CASR: variants seen among roughly 807,000 people sequenced by gnomAD.
CASR encodes extracellular calcium-sensing receptor.
CASR carries 23 observed loss-of-function variants against 69.1 expected under a neutral mutation model. The ratio of observed to expected loss-of-function variants is 0.33; its 90% CI spans 0.24 to 0.47. CASR has a LOEUF of 0.47. Ranked by LOEUF, CASR falls within the 20% of genes least tolerant of loss-of-function variation. The pLI is 1.00. For synonymous variants in CASR, 541 were observed against 544.7 expected (o/e 0.99, Z 0.10); for missense variants, 924 against 1,356.1 (o/e 0.68, Z 5.00).
rs200375728 is a variant in CASR at position 122,257,166 on chromosome 3, T to C, written c.271T>C (p.Leu91=). The C allele has an allele frequency of 6.2e-7, 1 of 1,614,008 alleles. No homozygotes were observed. Among genetic ancestry groups the C allele is most frequent in the Non-Finnish European group, 8.5e-7 (1 of 1,179,844 alleles). The change falls in exon 3 of 7, where the codon TTG becomes CTG. Residue 91 remains leucine (L), a synonymous_variant. Coordinates refer to ENST00000639785, the MANE Select transcript of CASR (RefSeq NM_000388.4). ...CAGCAGCCCAGCCCTTCTTCCCAAC[T>C]TGACGCTGGGATACAGGATATTTGA... ...INSSPALLPN[L]TLGYRIFDTC... is the part of the protein sequence containing the mutation.
intron 4 of CASR, among the ~76,000 whole-genome samples, chr3:122,265,916 G>A (rs1198507943): frequency 6.6e-6 from 1 of 152,162 alleles, no homozygotes; most frequent in Non-Finnish European, 1.5e-5. Context: ...GGGAATGGGG[G>A]ATAAATTGTG....
chr3:122,196,800 G>T (rs1446629787), intron 1 of CASR, among the ~76,000 whole-genome samples: 1 of 152,044 alleles, frequency 6.6e-6, no homozygotes, highest in Non-Finnish European at 1.5e-5. Flanking sequence ...TGTCCCCTTT[G>T]CTACCCCCAG....
chr3:122,218,507 G>A (rs193291182), intron 1 of CASR, among the ~76,000 whole-genome samples: 77 of 134,946 alleles, frequency 5.7e-4, no homozygotes, highest in Middle Eastern at 4.8e-3. Flanking sequence ...GCACTCCAGC[G>A]ACAGAGTTCT....
chr3:122,194,567 A>G (rs1417774482), intron 1 of CASR, among the ~76,000 whole-genome samples: 3 of 152,224 alleles, frequency 2.0e-5, no homozygotes, highest in East Asian at 3.9e-4. Flanking sequence ...GTGGTTTGTT[A>G]GTGTTTGCCT....
chr3:122,218,640 C>A (rs1576829354), intron 1 of CASR, among the ~76,000 whole-genome samples: 1 of 151,096 alleles, frequency 6.6e-6, no homozygotes, highest in Non-Finnish European at 1.5e-5. Flanking sequence ...TGAGGAGAAT[C>A]CATTTATTCA....
chr3:122,208,051 G>A (rs999088250), intron 1 of CASR, among the ~76,000 whole-genome samples: 2 of 152,030 alleles, frequency 1.3e-5, no homozygotes, highest in African/African-American at 2.4e-5. Flanking sequence ...GGAGTTCATA[G>A]CAATAAATGA....
intron 1 of CASR, among the ~76,000 whole-genome samples, chr3:122,234,283 A>G (rs1046924893): frequency 7.2e-5 from 11 of 152,226 alleles, no homozygotes; most frequent in African/African-American, 2.7e-4. Context: ...GCAACCATAG[A>G]TATAATGCAA....
In CASR at chr3:122,291,223, C is replaced by A. The variant is rs1321027960; in HGVS notation, c.*6032C>A. ...ATGTGTCTTTATAGCAGCATGATTT[C>A]TAATCCTTTGGGTATATACCCAGTA... On this transcript the variant is annotated 3_prime_UTR_variant, in exon 7 of 7. Transcript: ENST00000639785. 1.3e-5 allele frequency: 2 copies of A among 151,538 alleles called. No homozygotes were observed. Among genetic ancestry groups the A allele is most frequent in the African/African-American group, 4.9e-5 (2 of 41,186 alleles). 9.4% of individuals were successfully genotyped at this position (151,538 alleles called of 1,614,324 possible).
chr3:122,217,108 AT>A (rs34569113), intron 1 of CASR, among the ~76,000 whole-genome samples: 118 of 146,754 alleles, frequency 8.0e-4, no homozygotes, highest in East Asian at 1.4e-3. Flanking sequence ...GGAAAGTAAA[AT>A]TTTTTTTTTT....
intron 1 of CASR, among the ~76,000 whole-genome samples, chr3:122,201,952 G>A (rs2073958252): frequency 6.6e-6 from 1 of 152,034 alleles, no homozygotes; most frequent in African/African-American, 2.4e-5. Flanking sequence ...GCCAGGCAGA[G>A]GGGCTCCTCA....
chr3:122,234,406 G>C (rs1281937476), intron 1 of CASR, among the ~76,000 whole-genome samples: 1 of 152,116 alleles, frequency 6.6e-6, no homozygotes, highest in Non-Finnish European at 1.5e-5. Flanking sequence ...CCAACACGTG[G>C]GCACAGCTGA....
At chr3:122,264,759 G>A (rs2074669588) in intron 4 of CASR, among the ~76,000 whole-genome samples, 1 of 152,160 alleles carries the variant, frequency 6.6e-6, no homozygotes, top group Non-Finnish European at 1.5e-5. Context: ...TGTTGGATGG[G>A]CGTTCCAGAA....
chr3:122,212,702 C>T (rs1055266554), intron 1 of CASR, among the ~76,000 whole-genome samples: 4 of 150,242 alleles, frequency 2.7e-5, no homozygotes, highest in Admixed American at 1.3e-4. Flanking sequence ...AGTGTAATGG[C>T]GCGATCTCGG....
intron 4 of CASR, among the ~76,000 whole-genome samples, chr3:122,274,112 T>A (rs181286033): frequency 6.6e-6 from 1 of 152,190 alleles, no homozygotes; most frequent in South Asian, 2.1e-4. Context: ...TCCATCTTTT[T>A]TGAGGATGGC....
chr3:122,205,543 A>G (rs2073998367), intron 1 of CASR, among the ~76,000 whole-genome samples: 1 of 151,826 alleles, frequency 6.6e-6, no homozygotes, highest in Non-Finnish European at 1.5e-5. Flanking sequence ...CTCTGTGGCT[A>G]TTCAGGGTCT....
intron 1 of CASR, among the ~76,000 whole-genome samples, chr3:122,198,382 T>C (rs1156647094): frequency 6.6e-6 from 1 of 152,212 alleles, no homozygotes; most frequent in Non-Finnish European, 1.5e-5. Flanking sequence ...TCATGCATAC[T>C]GTGAATTACT....
In CASR at chr3:122,220,948, TG is replaced by T. The variant is rs535278457; in HGVS notation, c.-242-32997del. Among the ~76,000 whole-genome samples, 774 of 152,174 alleles carry T rather than the reference TG, an allele frequency of 5.1e-3. 5 individuals are homozygous for T. Among genetic ancestry groups the T allele is most frequent in the African/African-American group, 0.018 (737 of 41,546 alleles). On this transcript the variant is annotated intron_variant, in intron 1 of 6. Transcript: ENST00000639785. ...GAGATCGCGCCACTGCACTCCAGCC[TG>T]GGCGACAGAGAAAACCCCATCTCAA...
Position 122,254,226 on chromosome 3 carries a change from C to T in CASR, c.37C>T (p.Leu13Phe), listed in dbSNP as rs201731619. 6 of 1,613,706 alleles carry T rather than the reference C, an allele frequency of 3.7e-6. No homozygotes were observed. Among genetic ancestry groups the T allele is most frequent in the Non-Finnish European group, 5.1e-6 (6 of 1,180,030 alleles). ...FYSCCWVLLA[L>F]TWHTSAYGPD... ...TAGCTGCTGCTGGGTCCTCTTGGCACTCACCTGGCACACCTCTGCCTACGG... is the reference window on the plus strand; with the variant it reads ...TAGCTGCTGCTGGGTCCTCTTGGCATTCACCTGGCACACCTCTGCCTACGG... Residue 13 changes from leucine to phenylalanine, a missense_variant, in exon 2 of 7, where the codon CTC becomes TTC. Transcript: ENST00000639785.
intron 1 of CASR, among the ~76,000 whole-genome samples, chr3:122,200,761 C>T (rs1194428774): frequency 5.9e-5 from 9 of 152,116 alleles, no homozygotes; most frequent in Admixed American, 5.2e-4. Context: ...GAGTAAAAAA[C>T]ATTTATGCTT....
Sources: allele counts gnomAD v4.1 joint callset (sites outside exome capture counted in the v4.1 genomes callset), GRCh38; gene constraint gnomAD v4.1.1; transcripts MANE v1.5; gene names NCBI Gene and HGNC (gene_info 2026-07-23, HGNC 2026-07-21).